The following SAMMSON variants were observed in gnomAD, a reference collection of about 807,000 sequenced individuals.
SAMMSON encodes survival associated mitochondrial melanoma specific oncogenic non-coding RNA, also known as long intergenic non-protein coding RNA 1212.
At chr3:70,345,136 C>G (rs1301628534) in intron 7 of SAMMSON, among the ~76,000 whole-genome samples, 1 of 152,144 alleles carries the variant, frequency 6.6e-6, no homozygotes, top group African/African-American at 2.4e-5. Context: ...TAATCCATTA[C>G]CACAGAGACC....
chr3:70,394,493 A>T (rs1395099217), downstream of SAMMSON, among the ~76,000 whole-genome samples: 2 of 152,118 alleles, frequency 1.3e-5, no homozygotes, highest in African/African-American at 4.8e-5. Context: ...ATGAAAAATC[A>T]TGATGACACG....
At chr3:70,253,858 G>GA (rs1381551049) in intron 6 of SAMMSON, among the ~76,000 whole-genome samples, 9 of 152,018 alleles carry the variant, frequency 5.9e-5, no homozygotes, top group Admixed American at 5.9e-4. Flanking sequence ...AAGCTTAAGT[G>GA]AAAAAAATTC....
rs572236622 is a variant in SAMMSON at position 70,286,600 on chromosome 3, T to C, written n.675-4579T>C. Among the ~76,000 whole-genome samples the C allele has an allele frequency of 3.5e-3, 534 of 152,046 alleles. 3 individuals carry two copies. The highest frequency in any genetic ancestry group is 0.012 in the African/African-American group (516 of 41,422). ...GTTTTTTCCAATTCTGTGAAGAAAG[T>C]CATTGGTAGCTTGATGGGGATGGCA... On this transcript the variant is annotated intron_variant and non_coding_transcript_variant, in intron 6 of 9. Transcript: ENST00000642114.
intron 4 of SAMMSON, among the ~76,000 whole-genome samples, chr3:70,216,358 T>A (rs1173548732): frequency 2.0e-5 from 3 of 151,406 alleles, no homozygotes; most frequent in Non-Finnish European, 4.4e-5. Flanking sequence ...TTCCTAGATG[T>A]CATTCATTTT....
chr3:70,037,698 A>T (rs772421576), intron 3 of SAMMSON, among the ~76,000 whole-genome samples: 1 of 152,070 alleles, frequency 6.6e-6, no homozygotes. Flanking sequence ...TTCACTCATC[A>T]TTCTTGCACC....
intron 2 of SAMMSON, among the ~76,000 whole-genome samples, chr3:70,419,794 A>C (rs1701297045): frequency 6.6e-6 from 1 of 152,042 alleles, no homozygotes; most frequent in Non-Finnish European, 1.5e-5. Flanking sequence ...GCCTGCCACC[A>C]CACCCGGCTA....
chr3:70,146,398 T>C (rs1369525856), intron 4 of SAMMSON, among the ~76,000 whole-genome samples: 1 of 151,942 alleles, frequency 6.6e-6, no homozygotes, highest in African/African-American at 2.4e-5. Flanking sequence ...GTCATGAACA[T>C]AGATACACAA....
chr3:70,211,125 G>A (rs529857565), intron 4 of SAMMSON, among the ~76,000 whole-genome samples: 113 of 151,874 alleles, frequency 7.4e-4, no homozygotes, highest in Non-Finnish European at 1.4e-3. Context: ...ATAAGTACTA[G>A]GTCCTCTGAT....
At chr3:70,062,577 G>A (rs1163528577) in intron 3 of SAMMSON, among the ~76,000 whole-genome samples, 1 of 152,040 alleles carries the variant, frequency 6.6e-6, no homozygotes, top group Non-Finnish European at 1.5e-5. Flanking sequence ...TGCTCTTCAT[G>A]ATCTTTCTGT....
At chr3:70,147,497 T>G (rs919220307) in intron 4 of SAMMSON, among the ~76,000 whole-genome samples, 1 of 152,032 alleles carries the variant, frequency 6.6e-6, no homozygotes, top group Non-Finnish European at 1.5e-5. Context: ...AGTCCAGAAA[T>G]AGACCCACAT....
intron 2 of SAMMSON, among the ~76,000 whole-genome samples, chr3:70,427,331 A>C (rs1217603064): frequency 6.6e-6 from 1 of 152,218 alleles, no homozygotes; most frequent in East Asian, 1.9e-4. Context: ...ATACTTGTAT[A>C]GAATTTTAAG....
At chr3:70,018,008 G>T (rs2066993506) in intron 3 of SAMMSON, among the ~76,000 whole-genome samples, 1 of 152,064 alleles carries the variant, frequency 6.6e-6, no homozygotes, top group Admixed American at 6.6e-5. Flanking sequence ...GAGGATTTTT[G>T]CATCGATGTT....
chr3:70,239,932 G>A (rs1225702653), intron 4 of SAMMSON, among the ~76,000 whole-genome samples: 1 of 152,100 alleles, frequency 6.6e-6, no homozygotes, highest in Non-Finnish European at 1.5e-5. Flanking sequence ...TTGTGTGTGT[G>A]TGTGTGTTGT....
chr3:70,220,334 G>C (rs888330067), intron 4 of SAMMSON, among the ~76,000 whole-genome samples: 3 of 152,076 alleles, frequency 2.0e-5, no homozygotes, highest in Admixed American at 6.6e-5. Flanking sequence ...GGGAGGCCGA[G>C]GTGAGAGGAT....
At chr3:70,413,055 A>G (rs1190313200) in intron 2 of SAMMSON, among the ~76,000 whole-genome samples, 1 of 152,140 alleles carries the variant, frequency 6.6e-6, no homozygotes. Flanking sequence ...ATAACCTTAA[A>G]AGAAGTCTTA....
intron 6 of SAMMSON, among the ~76,000 whole-genome samples, chr3:70,288,465 AACTTT>A (rs1471724797): frequency 1.3e-5 from 2 of 150,960 alleles, no homozygotes; most frequent in Non-Finnish European, 2.9e-5. Context: ...TGCTGAGGAG[AACTTT>A]ACTTCCAAGT....
At chr3:70,392,837 ATGT>A (rs1001857479), downstream of SAMMSON, among the ~76,000 whole-genome samples, 15 of 152,132 alleles carry the variant, frequency 9.9e-5, no homozygotes, top group Admixed American at 4.6e-4. Context: ...CCAGGTAATG[ATGT>A]TGCCATACCA....
intron 4 of SAMMSON, among the ~76,000 whole-genome samples, chr3:70,078,548 C>T (rs555345469): frequency 5.9e-5 from 9 of 152,230 alleles, no homozygotes; most frequent in East Asian, 3.9e-4. Context: ...TCCCCTGGCC[C>T]GCCAATTTTT....
At chr3:70,005,141 A>G (rs2066921827) in intron 1 of SAMMSON, among the ~76,000 whole-genome samples, 1 of 152,164 alleles carries the variant, frequency 6.6e-6, no homozygotes, top group Non-Finnish European at 1.5e-5. Context: ...TCCTGGGCCA[A>G]TAGAAATTCA....
Sources: gnomAD v4.1 joint callset for allele counts (sites outside exome capture counted in the v4.1 genomes callset) on GRCh38, gnomAD v4.1.1 for gene constraint, MANE v1.5 for transcripts, NCBI Gene and HGNC (gene_info 2026-07-23, HGNC 2026-07-21) for gene names.